Variants in MTCL1 observed in about 807,000 individuals in gnomAD.
MTCL1 encodes the protein microtubule crosslinking factor 1.
MTCL1 carries 79 observed loss-of-function variants against 141.4 expected under a neutral mutation model. That is an observed-to-expected ratio of 0.56 (90% confidence interval 0.47 to 0.67). The LOEUF (loss-of-function observed/expected upper bound fraction) is 0.67. MTCL1 is among the 30% of genes least tolerant of loss of function. The pLI, the probability that MTCL1 is intolerant of heterozygous loss-of-function variation, is 0.00. For synonymous variants in MTCL1, 914 were observed against 875.8 expected, an observed-to-expected ratio of 1.04 and a Z score of -0.77; for missense variants, 2,177 against 2,113.9, an observed-to-expected ratio of 1.03 and a Z score of -0.59.
intron 4 of MTCL1, among the ~76,000 whole-genome samples, chr18:8,762,323 C>T (rs1252677088): frequency 6.6e-6 from 1 of 152,236 alleles, no homozygotes; most frequent in East Asian, 1.9e-4. Flanking sequence ...GCACCCCTGC[C>T]TGTGAATGTG....
chr18:8,776,526 T>G lies in MTCL1; in HGVS notation c.358-1307T>G, dbSNP rs183760138. On this transcript the variant is annotated intron_variant, in intron 4 of 16. Transcript: ENST00000359865. ...AAAACTAGGCAGGGTTCCCAGGCACTGAAGGACACAGCCAAGGCCTTCATT... is the reference window on the plus strand; with the variant it reads ...AAAACTAGGCAGGGTTCCCAGGCACGGAAGGACACAGCCAAGGCCTTCATT... 2.0e-5 allele frequency among the ~76,000 whole-genome samples: 3 copies of G among 152,330 alleles called. No individual in the cohort carries two copies. In the East Asian group the frequency reaches 5.8e-4, roughly 29 times the overall value.
chr18:8,759,020 AG>A (rs1189316445), intron 4 of MTCL1, among the ~76,000 whole-genome samples: 8 of 152,202 alleles, frequency 5.3e-5, no homozygotes, highest in Non-Finnish European at 5.9e-5. Context: ...AGAGGACAGC[AG>A]GGGGTGTGGA....
At chr18:8,741,258 A>G (rs2096301720) in intron 4 of MTCL1, among the ~76,000 whole-genome samples, 1 of 152,214 alleles carries the variant, frequency 6.6e-6, no homozygotes, top group Admixed American at 6.5e-5. Context: ...TTACTCAGGA[A>G]TAATTATGTC....
intron 8 of MTCL1, among the ~76,000 whole-genome samples, chr18:8,793,703 T>C (rs922388985): frequency 1.3e-5 from 2 of 152,170 alleles, no homozygotes; most frequent in East Asian, 1.9e-4. Context: ...CCACCCCAAA[T>C]CTAATTAAGT....
At position 8,828,952 on chromosome 18, in the gene MTCL1, C is replaced by T. The variant is rs543277840; in HGVS notation, c.*6C>T. The T allele has an allele frequency of 3.7e-6, 6 of 1,614,246 alleles. No homozygotes were observed. In the African/African-American group the frequency reaches 4.0e-5, roughly 11 times the overall value. On this transcript the variant is annotated 3_prime_UTR_variant, in exon 16 of 17. Transcript: ENST00000359865. The surrounding 1 kb of genome is among the most constrained non-coding windows in gnomAD (Gnocchi z 5.2). ...CTGCCCCCTGGGGACTCTAGCCCTGCCCGCCTCACGCTGTAAGTGCTTCCT... is the reference window on the plus strand; with the variant it reads ...CTGCCCCCTGGGGACTCTAGCCCTGTCCGCCTCACGCTGTAAGTGCTTCCT...
chr18:8,786,504 G>A (rs1244391908), intron 7 of MTCL1: 4 of 380,334 alleles, frequency 1.1e-5, no homozygotes, highest in Admixed American at 6.3e-5. Flanking sequence ...TGTTGCCTGT[G>A]TCTCATGTGA....
intron 10 of MTCL1, among the ~76,000 whole-genome samples, chr18:8,802,700 CAA>C (rs1303905300): frequency 6.6e-6 from 1 of 152,190 alleles, no homozygotes; most frequent in African/African-American, 2.4e-5. Context: ...AAGTCTCACT[CAA>C]GAGAGCTGAG....
At chr18:8,788,983 A>C (rs1281265651) in intron 7 of MTCL1, among the ~76,000 whole-genome samples, 3 of 152,170 alleles carry the variant, frequency 2.0e-5, no homozygotes, top group Non-Finnish European at 4.4e-5. Context: ...TTGTTAAGAG[A>C]GAGTGGTGTG....
chr18:8,727,152 G>A (rs544410581), intron 4 of MTCL1, among the ~76,000 whole-genome samples: 5 of 152,174 alleles, frequency 3.3e-5, no homozygotes, highest in South Asian at 4.2e-4. Context: ...TTATTGCTGC[G>A]TAGTATTCCA....
At chr18:8,797,323 C>T (rs775960320) in intron 9 of MTCL1, among the ~76,000 whole-genome samples, 37 of 152,212 alleles carry the variant, frequency 2.4e-4, no homozygotes, top group Non-Finnish European at 4.4e-4. Context: ...TTTGCCACCT[C>T]TGGAATTTGT....
At chr18:8,783,476 C>A (rs1304223054) in intron 5 of MTCL1, 54 bp from the exon 5 acceptor site, 2 of 1,471,786 alleles carry the variant, frequency 1.4e-6, no homozygotes, top group Non-Finnish European at 1.8e-6. Flanking sequence ...ATGAAAAACA[C>A]GAACATTTGG....
chr18:8,824,272 C>T (rs958004534), intron 14 of MTCL1, among the ~76,000 whole-genome samples: 3 of 152,244 alleles, frequency 2.0e-5, no homozygotes, highest in Admixed American at 2.0e-4. Flanking sequence ...GAAGAATCCA[C>T]ACCAAATCTG....
upstream of MTCL1, among the ~76,000 whole-genome samples, chr18:8,714,843 C>T (rs1337156611): frequency 6.6e-6 from 1 of 152,002 alleles, no homozygotes; most frequent in Non-Finnish European, 1.5e-5. Flanking sequence ...ATCGCCCAGG[C>T]TGGAGTGCAG....
At chr18:8,818,196 G>A (rs912444848) in intron 12 of MTCL1, among the ~76,000 whole-genome samples, 3 of 152,284 alleles carry the variant, frequency 2.0e-5, no homozygotes, top group Admixed American at 6.5e-5. Flanking sequence ...CAGGAGAGTC[G>A]GGAACTTGCA....
intron 1 of MTCL1, 126 bp downstream of exon 1, chr18:8,706,839 A>C (rs2148734563): frequency 7.1e-7 from 1 of 1,403,106 alleles, no homozygotes; most frequent in Non-Finnish European, 9.3e-7. Flanking sequence ...CCACGGTCCT[A>C]CCCCCGCATT....
chr18:8,717,342 GA>G (rs1390520465), upstream of MTCL1: 3 of 152,238 alleles, frequency 2.0e-5, no homozygotes, highest in African/African-American at 7.2e-5. Context: ...TTATGTGATG[GA>G]ATGAGCTCTG....
chr18:8,798,191 G>A, exon 10 of MTCL1: 1 of 1,598,962 alleles, frequency 6.3e-7, no homozygotes, highest in Non-Finnish European at 8.5e-7. Flanking sequence ...GACCGAGGCT[G>A]TGGCTTTCCA....
chr18:8,784,298 A>C, exon 6 of MTCL1: 1 of 1,576,376 alleles, frequency 6.3e-7, no homozygotes, highest in South Asian at 1.2e-5. Flanking sequence ...CAAGAAGGAG[A>C]GTGATGGGGA....
chr18:8,754,800 C>G (rs769442889), intron 4 of MTCL1, among the ~76,000 whole-genome samples: 3 of 152,172 alleles, frequency 2.0e-5, no homozygotes, highest in Non-Finnish European at 2.9e-5. Flanking sequence ...GTCCCTGTCT[C>G]TCTGATGTAT....
Sources: gnomAD v4.1 joint callset for allele counts (sites outside exome capture counted in the v4.1 genomes callset) on GRCh38, gnomAD v4.1.1 for gene constraint, Gnocchi (gnomAD v3.1) non-coding constraint, MANE v1.5 for transcripts, NCBI Gene and HGNC (gene_info 2026-07-23, HGNC 2026-07-21) for gene names.